IQCM: variants seen among roughly 807,000 people sequenced by gnomAD.
IQCM encodes the protein IQ domain-containing protein M.
Under a neutral mutation model 57.6 loss-of-function variants are expected in IQCM, and 45 were observed. That is an observed-to-expected ratio of 0.78 (90% confidence interval 0.62 to 1.00). The LOEUF is 1.00. IQCM is among the 50% of genes least tolerant of loss of function. The pLI, the probability that IQCM is intolerant of heterozygous loss-of-function variation, is 0.00. For synonymous variants in IQCM, 148 were observed against 158.9 expected, an observed-to-expected ratio of 0.93 and a Z score of 0.51; for missense variants, 468 against 511.6, an observed-to-expected ratio of 0.91 and a Z score of 0.82.
chr4:149,464,796 G>A (rs2149715744), intron 12 of IQCM, among the ~76,000 whole-genome samples: 1 of 152,116 alleles, frequency 6.6e-6, no homozygotes, highest in South Asian at 2.1e-4. Flanking sequence ...TGCCTCTCAG[G>A]TACGTAAAAT....
chr4:149,632,899 C>T (rs1291890213), intron 7 of IQCM, among the ~76,000 whole-genome samples: 2 of 152,032 alleles, frequency 1.3e-5, no homozygotes, highest in South Asian at 2.1e-4. Context: ...CGGTGGCTCA[C>T]GCCTGTAATC....
intron 12 of IQCM, among the ~76,000 whole-genome samples, chr4:149,449,560 T>C (rs886079663): frequency 6.6e-6 from 1 of 150,940 alleles, no homozygotes; most frequent in Non-Finnish European, 1.5e-5. Context: ...CATTTCTATA[T>C]GCCAACAGTG....
At chr4:149,754,525 A>G (rs1768781313) in intron 2 of IQCM, among the ~76,000 whole-genome samples, 1 of 152,208 alleles carries the variant, frequency 6.6e-6, no homozygotes, top group Non-Finnish European at 1.5e-5. Flanking sequence ...ATGCTGTTAA[A>G]TCTAATTGTC....
At position 149,651,887 on chromosome 4, in the gene IQCM, G is replaced by A. The variant is rs1759213843; in HGVS notation, c.565+30231C>T. Among the ~76,000 whole-genome samples the A allele has an allele frequency of 2.0e-5, 3 of 152,162 alleles. No homozygotes were observed. The South Asian group carries it at 6.2e-4, about 32-fold the overall frequency. The stretch of plus-strand genomic sequence containing the variant: ...ATTAGTTCAACCATTATGGAAGACA[G>A]TGTGGCGATTTCTCGAGGATTTAGA... On this transcript the variant is annotated intron_variant, in intron 7 of 13. Transcript: ENST00000636793.
chr4:149,427,060 T>G (rs1579021422), intron 13 of IQCM, among the ~76,000 whole-genome samples: 1 of 151,988 alleles, frequency 6.6e-6, no homozygotes, highest in Non-Finnish European at 1.5e-5. Flanking sequence ...AGAGTTAGTG[T>G]CATCCTTTTT....
At chr4:149,521,875 G>A (rs189408319) in intron 12 of IQCM, among the ~76,000 whole-genome samples, 8 of 152,256 alleles carry the variant, frequency 5.3e-5, no homozygotes, top group African/African-American at 1.2e-4. Flanking sequence ...GAGTAAATCC[G>A]GGGCTCAGGC....
At chr4:149,754,632 A>T (rs944896269) in intron 2 of IQCM, among the ~76,000 whole-genome samples, 44 of 152,010 alleles carry the variant, frequency 2.9e-4, no homozygotes, top group African/African-American at 1.0e-3. Context: ...GCTTCCAGGG[A>T]TTTCCAGTGT....
At position 149,508,264 on chromosome 4, in the gene IQCM, A is replaced by C. The variant is rs1285015873; in HGVS notation, c.1228+40191T>G. Among the ~76,000 whole-genome samples the C allele has an allele frequency of 2.0e-5, 3 of 151,950 alleles. No individual in the cohort carries two copies. In the East Asian group the frequency reaches 5.8e-4, roughly 30 times the overall value. On this transcript the variant is annotated intron_variant, in intron 12 of 13. Coordinates refer to ENST00000636793, the MANE Select transcript of IQCM (RefSeq NM_001363507.2). ...TGGCACCACCTAGAGAAGCTGAGAG[A>C]AGAGGGCCACCATCCTCCAGACTCC...
intron 12 of IQCM, among the ~76,000 whole-genome samples, chr4:149,543,329 C>A (rs1748043343): frequency 6.6e-6 from 1 of 151,948 alleles, no homozygotes; most frequent in Admixed American, 6.6e-5. Context: ...TGTGGAAAAT[C>A]TGGATTTTCA....
At chr4:149,415,354 C>A (rs1213311988) in intron 13 of IQCM, among the ~76,000 whole-genome samples, 3 of 152,152 alleles carry the variant, frequency 2.0e-5, no homozygotes, top group African/African-American at 4.8e-5. Context: ...AGACATCATT[C>A]TTTAAACTTC....
intron 12 of IQCM, among the ~76,000 whole-genome samples, chr4:149,486,500 G>A (rs1159342315): frequency 2.0e-5 from 3 of 152,112 alleles, no homozygotes; most frequent in Non-Finnish European, 4.4e-5. Context: ...TGTAATCCCA[G>A]CACTTTGGGA....
At chr4:149,765,889 C>A (rs949499688) in intron 2 of IQCM, among the ~76,000 whole-genome samples, 3 of 151,938 alleles carry the variant, frequency 2.0e-5, no homozygotes, top group Non-Finnish European at 2.9e-5. Context: ...GTCCAGTGGC[C>A]CCTACCCAGA....
chr4:149,511,487 C>T (rs1347962433), intron 12 of IQCM, among the ~76,000 whole-genome samples: 1 of 151,746 alleles, frequency 6.6e-6, no homozygotes, highest in African/African-American at 2.4e-5. Context: ...GAGATCACAC[C>T]ACTGCTGTCC....
At chr4:149,729,122 C>T (rs532339793) in intron 5 of IQCM, among the ~76,000 whole-genome samples, 261 of 152,306 alleles carry the variant, frequency 1.7e-3, no homozygotes, top group African/African-American at 5.1e-3. Flanking sequence ...CTGAGAAGGC[C>T]CCCTAACCTG....
In IQCM at chr4:149,588,003, A is replaced by G; in HGVS notation, c.682-6T>C. 1.7e-6 allele frequency: 2 copies of G among 1,208,102 alleles called. No homozygotes were observed. The highest frequency in any genetic ancestry group is 3.2e-5 in the East Asian group (1 of 31,398). The allele number at this position is 1,208,102 out of a possible 1,614,324, so 74.8% of individuals were successfully genotyped here. On this transcript the variant is annotated splice_region_variant and splice_polypyrimidine_tract_variant and intron_variant, in intron 8 of 13. Transcript: ENST00000636793. ...ATAAGGGTTTTAAAGGTTTTCTATA[A>G]TAAGGAAAAGAAGAGTTGACATAAG...
chr4:149,735,639 G>A (rs1766868168), intron 3 of IQCM, among the ~76,000 whole-genome samples, 181 bp from the exon 4 acceptor site: 1 of 152,078 alleles, frequency 6.6e-6, no homozygotes. Flanking sequence ...AGTTACTTCA[G>A]TCCAGAAAAA....
intron 2 of IQCM, among the ~76,000 whole-genome samples, chr4:149,779,978 G>A (rs777022499): frequency 6.6e-6 from 1 of 152,112 alleles, no homozygotes; most frequent in African/African-American, 2.4e-5. Flanking sequence ...ACTAGTGACA[G>A]GGAGTATGTC....
chr4:149,547,294 T>C (rs922733065), intron 12 of IQCM, among the ~76,000 whole-genome samples: 1 of 152,216 alleles, frequency 6.6e-6, no homozygotes, highest in Admixed American at 6.5e-5. Flanking sequence ...TTATACACAA[T>C]GGACTGGTAT....
At chr4:149,712,692 T>C (rs1015712013) in intron 5 of IQCM, among the ~76,000 whole-genome samples, 3 of 152,162 alleles carry the variant, frequency 2.0e-5, no homozygotes, top group Admixed American at 6.5e-5. Context: ...ACCAATCTGA[T>C]GGAAGGTGTT....
Sources: allele counts gnomAD v4.1 joint callset (sites outside exome capture counted in the v4.1 genomes callset), GRCh38; gene constraint gnomAD v4.1.1; transcripts MANE v1.5; gene names NCBI Gene and HGNC (gene_info 2026-07-23, HGNC 2026-07-21).